The following ARK2C variants were observed in gnomAD, a reference collection of about 807,000 sequenced individuals.
The protein encoded by ARK2C is arkadia (RNF111) C-terminal like ring finger ubiquitin ligase 2C.
At chr18:46,348,820 T>G in the ARK2C span, among the ~76,000 whole-genome samples, 1 of 152,154 alleles carries the variant, frequency 6.6e-6, no homozygotes, top group African/African-American at 2.4e-5. Context: ...TGGTAAGTCC[T>G]GCAACCAAGA....
the ARK2C span, among the ~76,000 whole-genome samples, chr18:46,384,088 C>T: frequency 6.6e-6 from 1 of 152,232 alleles, no homozygotes. Context: ...CTGTGGGATT[C>T]TAGCCAGAGA....
chr18:46,438,978 G>A, the ARK2C span, among the ~76,000 whole-genome samples: 1 of 152,228 alleles, frequency 6.6e-6, no homozygotes, highest in East Asian at 1.9e-4. Context: ...AAGAAGGGAT[G>A]GACTTGGGAC....
chr18:46,403,878 A>AAAAAC, the ARK2C span, among the ~76,000 whole-genome samples: 31 of 152,244 alleles, frequency 2.0e-4, no homozygotes, highest in African/African-American at 3.9e-4. Context: ...CTCTGTCCAA[A>AAAAAC]AAAACAAAAC....
chr18:46,457,553 G>A, the ARK2C span: 1 of 152,866 alleles, frequency 6.5e-6, no homozygotes, highest in African/African-American at 2.4e-5. Context: ...CAACTTCATG[G>A]CCCCAGCTAT....
the ARK2C span, chr18:46,336,121 C>T: frequency 1.0e-6 from 1 of 985,144 alleles, no homozygotes; most frequent in Admixed American, 6.2e-5. Context: ...CACCCCCTCT[C>T]TCAATACACA....
At chr18:46,350,408 C>T in the ARK2C span, among the ~76,000 whole-genome samples, 3 of 152,078 alleles carry the variant, frequency 2.0e-5, no homozygotes, top group Non-Finnish European at 4.4e-5. Flanking sequence ...TTCCTGGAGG[C>T]GTTGAGTCTT....
the ARK2C span, chr18:46,386,093 T>C: frequency 6.6e-6 from 1 of 152,168 alleles, no homozygotes; most frequent in African/African-American, 2.4e-5. Flanking sequence ...TGTGAGGCCT[T>C]AGAAGCAAAT....
the ARK2C span, among the ~76,000 whole-genome samples, chr18:46,367,382 A>T: frequency 6.6e-6 from 1 of 152,164 alleles, no homozygotes; most frequent in Non-Finnish European, 1.5e-5. Context: ...ATTTATGTTC[A>T]GTGTGGGAGG....
At chr18:46,364,034 G>C in the ARK2C span, among the ~76,000 whole-genome samples, 1 of 143,304 alleles carries the variant, frequency 7.0e-6, no homozygotes, top group African/African-American at 2.6e-5. Context: ...TGCAACCTCT[G>C]CTTCCTGGGT....
chr18:46,437,439 G>T, the ARK2C span, among the ~76,000 whole-genome samples: 1 of 152,156 alleles, frequency 6.6e-6, no homozygotes, highest in Non-Finnish European at 1.5e-5. Flanking sequence ...TCTGCAAGGA[G>T]CCCTGGGGGA....
chr18:46,406,403 T>C, the ARK2C span, among the ~76,000 whole-genome samples: 1 of 152,180 alleles, frequency 6.6e-6, no homozygotes, highest in Non-Finnish European at 1.5e-5. Flanking sequence ...CCAGCTGGAA[T>C]CCAGCCTCTG....
At chr18:46,335,288 A>G in the ARK2C span, 2 of 152,026 alleles carry the variant, frequency 1.3e-5, no homozygotes, top group African/African-American at 4.8e-5. Context: ...TTTAACTGTG[A>G]TAAATGGGGT....
chr18:46,459,175 T>A, the ARK2C span: 1 of 152,306 alleles, frequency 6.6e-6, no homozygotes, highest in East Asian at 1.9e-4. Context: ...GGCTGGCAAG[T>A]GGGAGGGAGT....
At chr18:46,381,837 A>AC in the ARK2C span, among the ~76,000 whole-genome samples, 1 of 151,726 alleles carries the variant, frequency 6.6e-6, no homozygotes, top group Non-Finnish European at 1.5e-5. Context: ...TCTCAAAAAA[A>AC]AAAAGATGCT....
At chr18:46,346,852 T>A in the ARK2C span, among the ~76,000 whole-genome samples, 1 of 152,154 alleles carries the variant, frequency 6.6e-6, no homozygotes, top group South Asian at 2.1e-4. Flanking sequence ...CCTTGGGCAG[T>A]CAGGGAAGGG....
the ARK2C span, among the ~76,000 whole-genome samples, chr18:46,423,982 A>C: frequency 6.6e-6 from 1 of 152,132 alleles, no homozygotes; most frequent in African/African-American, 2.4e-5. Context: ...CTCCTGTCTC[A>C]GAATATCTCT....
At chr18:46,429,967 C>T in the ARK2C span, among the ~76,000 whole-genome samples, 1 of 152,098 alleles carries the variant, frequency 6.6e-6, no homozygotes, top group Non-Finnish European at 1.5e-5. Context: ...TTCCAGTCCC[C>T]TCTCCTCTCC....
the ARK2C span, among the ~76,000 whole-genome samples, chr18:46,417,052 A>C: frequency 6.6e-6 from 1 of 152,232 alleles, no homozygotes; most frequent in African/African-American, 2.4e-5. Flanking sequence ...GTTGCTTAGC[A>C]AGCAAGATAT....
At chr18:46,347,161 C>T in the ARK2C span, among the ~76,000 whole-genome samples, 1 of 152,212 alleles carries the variant, frequency 6.6e-6, no homozygotes, top group Non-Finnish European at 1.5e-5. Context: ...GCTCTGCTGC[C>T]TTGGGGAGTG....
Sources: allele counts gnomAD v4.1 joint callset (sites outside exome capture counted in the v4.1 genomes callset), GRCh38; gene constraint gnomAD v4.1.1; transcripts MANE v1.5; gene names NCBI Gene and HGNC (gene_info 2026-07-23, HGNC 2026-07-21).